The following SH3TC2 variants were observed in gnomAD, a reference collection of about 807,000 sequenced individuals.
The protein encoded by SH3TC2 is SH3 domain and tetratricopeptide repeat-containing protein 2.
In SH3TC2, 87 loss-of-function variants were observed where a neutral mutation model predicts 124.5. The observed-to-expected ratio is 0.70, with a 90% CI of 0.59 to 0.84. The LOEUF (loss-of-function observed/expected upper bound fraction) is 0.84. SH3TC2 is among the 40% of genes least tolerant of loss of function. The pLI, the probability that SH3TC2 is intolerant of heterozygous loss-of-function variation, is 0.00. For synonymous variants in SH3TC2, 634 were observed against 628.5 expected (o/e 1.01, Z -0.13); for missense variants, 1,536 against 1,566.4 (o/e 0.98, Z 0.33).
chr5:149,063,042 G>A lies in SH3TC2; in HGVS notation c.-20C>T, dbSNP rs1316768776. On this transcript the variant is annotated 5_prime_UTR_variant, in exon 1 of 17. Transcript: ENST00000515425. Reference sequence around the variant, plus strand: ...ACCCATGTGTGTACCATCCTACCCTGGCCGAGGCCCTTGGGAACACAGGCC... The same window carrying A: ...ACCCATGTGTGTACCATCCTACCCTAGCCGAGGCCCTTGGGAACACAGGCC... 1.3e-6 allele frequency: 2 copies of A among 1,591,582 alleles called. No homozygotes were observed. The highest frequency in any genetic ancestry group is 4.6e-5 in the East Asian group (2 of 43,938).
chr5:149,031,411 C>A, intron 9 of SH3TC2, 143 bp downstream of exon 9: 1 of 1,054,756 alleles, frequency 9.5e-7, no homozygotes, highest in South Asian at 1.3e-5. Context: ...AAATATGATT[C>A]AGGTCGTCAA....
chr5:149,028,156 C>T lies in SH3TC2; in HGVS notation c.1576G>A (p.Ala526Thr), dbSNP rs755221354. ...KWAKKSHMTW[A>T]HARLCFLLGR... ...AGGAGGAAGCAGAGACGGGCATGGGCCCAGGTCATGTGGCTCTTCTTGGCC... is the reference window on the plus strand; with the variant it reads ...AGGAGGAAGCAGAGACGGGCATGGGTCCAGGTCATGTGGCTCTTCTTGGCC... Residue 526 changes from alanine to threonine, a missense_variant, in exon 11 of 17, where the codon GCC becomes ACC. This residue lies in a region of SH3TC2 where 1,102 missense variants were observed against 1,098.6 expected (regional missense o/e 1.00). Transcript: ENST00000515425. 6.2e-7 allele frequency: 1 copy of T among 1,614,112 alleles called. No individual in the cohort carries two copies. Among genetic ancestry groups the T allele is most frequent in the East Asian group, 2.2e-5 (1 of 44,878 alleles).
intron 2 of SH3TC2, among the ~76,000 whole-genome samples, chr5:149,050,729 C>T (rs1275562651): frequency 6.6e-6 from 1 of 152,096 alleles, no homozygotes; most frequent in East Asian, 1.9e-4. Context: ...TGAACATGCC[C>T]GATCTCATCT....
rs761713767 is a variant in SH3TC2, at chr5:148,990,800, A to C, written c.*13911T>G. Among the ~76,000 whole-genome samples the C allele has an allele frequency of 2.6e-5, 4 of 152,244 alleles. No homozygotes were observed. Among genetic ancestry groups the C allele is most frequent in the Admixed American group, 2.6e-4 (4 of 15,288 alleles). On this transcript the variant is annotated 3_prime_UTR_variant, in exon 17 of 17. Coordinates refer to ENST00000515425, the MANE Select transcript of SH3TC2 (RefSeq NM_024577.4). ...GGATACAAAATATAATAGCAATTATATATTAAATATTTGCAATAAGCAAGG... is the reference window on the plus strand; with the variant it reads ...GGATACAAAATATAATAGCAATTATCTATTAAATATTTGCAATAAGCAAGG...
At chr5:149,056,798 G>A (rs951970552) in intron 1 of SH3TC2, among the ~76,000 whole-genome samples, 1 of 152,132 alleles carries the variant, frequency 6.6e-6, no homozygotes, top group African/African-American at 2.4e-5. Context: ...TTTTACACAT[G>A]GTGTTATATT....
At chr5:149,006,387 A>G in intron 16 of SH3TC2, 1 of 181,622 alleles carries the variant, frequency 5.5e-6, no homozygotes, top group Non-Finnish European at 1.2e-5. Context: ...CAAACATGTT[A>G]ATATGCACCC....
intron 5 of SH3TC2, 118 bp downstream of exon 5, chr5:149,042,576 A>C: frequency 7.7e-7 from 1 of 1,295,836 alleles, no homozygotes; most frequent in Non-Finnish European, 1.1e-6. Flanking sequence ...AGGTGGGTTC[A>C]TTTGTGAATA....
intron 8 of SH3TC2, among the ~76,000 whole-genome samples, chr5:149,037,508 AT>A (rs1460812799): frequency 2.6e-5 from 4 of 152,216 alleles, no homozygotes; most frequent in African/African-American, 9.6e-5. Context: ...AAGAGAAAGA[AT>A]TTAAGTCTCT....
Position 148,994,723 on chromosome 5 carries a change from G to C in SH3TC2, c.*9988C>G, listed in dbSNP as rs1449276577. ...GGATGGATGGATGGATGGATGGATGGATGGATGGATGGATGAATAGATGGA... is the reference window on the plus strand; with the variant it reads ...GGATGGATGGATGGATGGATGGATGCATGGATGGATGGATGAATAGATGGA... On this transcript the variant is annotated 3_prime_UTR_variant, in exon 17 of 17. Coordinates refer to ENST00000515425, the MANE Select transcript of SH3TC2 (RefSeq NM_024577.4). Among the ~76,000 whole-genome samples the C allele has an allele frequency of 6.6e-6, 1 of 151,794 alleles. No homozygotes were observed. Among genetic ancestry groups the C allele is most frequent in the Non-Finnish European group, 1.5e-5 (1 of 67,932 alleles).
intron 12 of SH3TC2, among the ~76,000 whole-genome samples, chr5:149,016,279 T>A (rs1482725682): frequency 6.6e-6 from 1 of 152,066 alleles, no homozygotes; most frequent in Non-Finnish European, 1.5e-5. Context: ...ACTTTCAGAG[T>A]CTGACCCAGA....
chr5:149,041,899 T>A (rs766693908), intron 5 of SH3TC2, among the ~76,000 whole-genome samples: 1 of 152,172 alleles, frequency 6.6e-6, no homozygotes, highest in African/African-American at 2.4e-5. Flanking sequence ...GAAAAAGAGA[T>A]GAAAACTTGT....
At chr5:149,018,537 T>C (rs940291110) in intron 12 of SH3TC2, among the ~76,000 whole-genome samples, 1 of 152,158 alleles carries the variant, frequency 6.6e-6, no homozygotes, top group African/African-American at 2.4e-5. Context: ...AAGGGTTTCC[T>C]GTTATAAAAC....
chr5:149,050,393 C>A (rs568330607), intron 2 of SH3TC2, among the ~76,000 whole-genome samples: 3 of 152,218 alleles, frequency 2.0e-5, no homozygotes, highest in Admixed American at 2.0e-4. Flanking sequence ...CAGCTACAGC[C>A]ATCTCCCCTT....
rs1272056845 is a variant in SH3TC2 at position 148,993,079 on chromosome 5, G to C, written c.*11632C>G. ...CTGCCTTTACCTGGCCTCACTCCTG[G>C]CTTCCATAGACGCTTAAGGTGATTA... On this transcript the variant is annotated 3_prime_UTR_variant, in exon 17 of 17. Coordinates refer to ENST00000515425, the MANE Select transcript of SH3TC2 (RefSeq NM_024577.4). Among the ~76,000 whole-genome samples, 1 of 152,076 alleles carries C rather than the reference G, an allele frequency of 6.6e-6. No homozygotes were observed. The highest frequency in any genetic ancestry group is 6.6e-5 in the Admixed American group (1 of 15,254).
intron 12 of SH3TC2, among the ~76,000 whole-genome samples, chr5:149,013,305 T>G (rs535734792): frequency 6.6e-6 from 1 of 152,050 alleles, no homozygotes; most frequent in Non-Finnish European, 1.5e-5. Flanking sequence ...TGAGATCTGA[T>G]GGTTGTATCA....
rs139600562 is a variant in SH3TC2, at chr5:149,009,462, A to T, written c.3328-461T>A. Among the ~76,000 whole-genome samples, 18 of 152,310 alleles carry T rather than the reference A, an allele frequency of 1.2e-4. No homozygotes were observed. In the East Asian group the frequency reaches 3.5e-3, roughly 29 times the overall value. On this transcript the variant is annotated intron_variant, in intron 14 of 16. Transcript: ENST00000515425. ...CATCTTTCTGAACCTTAGTTTTCTC[A>T]TCTACAAAATGCATATGAAAATAAG...
chr5:149,023,516 A>G (rs1019214203), intron 12 of SH3TC2, among the ~76,000 whole-genome samples: 2 of 151,668 alleles, frequency 1.3e-5, no homozygotes, highest in Non-Finnish European at 2.9e-5. Flanking sequence ...TCAGGAAAGT[A>G]TCAAGGAAAG....
chr5:149,042,634 A>G, intron 5 of SH3TC2, 60 bp downstream of exon 5: 1 of 1,606,670 alleles, frequency 6.2e-7, no homozygotes, highest in African/African-American at 1.3e-5. Context: ...TGCTTATTTC[A>G]TGGCCTCTGG....
chr5:149,003,757 T>C lies in SH3TC2; in HGVS notation c.*954A>G, dbSNP rs1245267034. On this transcript the variant is annotated 3_prime_UTR_variant, in exon 17 of 17. Transcript: ENST00000515425. ...TTCCAGCTACTCAGGAGGTTGACAC[T>C]GGAGGATCACTTGAGCCCCGGAGTC... 2.2e-6 allele frequency: 1 copy of C among 445,540 alleles called. No individual in the cohort carries two copies. Among genetic ancestry groups the C allele is most frequent in the Admixed American group, 2.4e-5 (1 of 41,074 alleles). The allele number at this position is 445,540 out of a possible 1,614,324, so 27.6% of individuals were successfully genotyped here. A position where few individuals can be genotyped will look rare whatever the true frequency, so the allele number is the denominator to read the frequency against.
Sources: gnomAD v4.1 joint callset for allele counts (sites outside exome capture counted in the v4.1 genomes callset) on GRCh38, gnomAD v4.1.1 for gene constraint, gnomAD v4.1.1 regional missense constraint, MANE v1.5 for transcripts, NCBI Gene and HGNC (gene_info 2026-07-23, HGNC 2026-07-21) for gene names.